TGFBR3: variants seen among roughly 807,000 people sequenced by gnomAD.
The protein encoded by TGFBR3 is transforming growth factor beta receptor 3, also known as transforming growth factor beta receptor type 3.
TGFBR3 carries 46 observed loss-of-function variants against 87.9 expected under a neutral mutation model. That is an observed-to-expected ratio of 0.52 (90% CI 0.41 to 0.67). The LOEUF (loss-of-function observed/expected upper bound fraction) is 0.67, where lower values mean the gene tolerates loss of function less well. Among genes scored for constraint, TGFBR3 ranks in the 30% least tolerant of loss-of-function variants. TGFBR3 has a pLI of 0.00. For missense variants in TGFBR3, 866 were observed against 1,041.9 expected (o/e 0.83, Z 2.32); for synonymous variants, 381 against 391.6 (o/e 0.97, Z 0.32).
At chr1:91,689,508 C>T (rs1048275165) in intron 16 of TGFBR3, among the ~76,000 whole-genome samples, 1 of 151,982 alleles carries the variant, frequency 6.6e-6, no homozygotes, top group Non-Finnish European at 1.5e-5. Flanking sequence ...AGTGAAAGAA[C>T]GAATACATGA....
At chr1:91,712,635 T>G in intron 12 of TGFBR3, 93 bp from the exon 13 acceptor site, 1 of 1,126,910 alleles carries the variant, frequency 8.9e-7, no homozygotes, top group South Asian at 1.3e-5. Flanking sequence ...GCCCTTCAGA[T>G]GACACGCTGC....
chr1:91,700,520 T>C (rs1671582841), intron 14 of TGFBR3, among the ~76,000 whole-genome samples: 1 of 152,178 alleles, frequency 6.6e-6, no homozygotes, highest in Non-Finnish European at 1.5e-5. Context: ...ACTGGATGAA[T>C]CAGAGCCACC....
intron 4 of TGFBR3, among the ~76,000 whole-genome samples, chr1:91,753,389 T>C (rs1411296703): frequency 4.4e-5 from 1 of 22,922 alleles, no homozygotes; most frequent in South Asian, 1.5e-3. Context: ...GACTCTGTCC[T>C]CAAAAAAAAA....
At chr1:91,827,312 T>C (rs1218440585) in intron 2 of TGFBR3, among the ~76,000 whole-genome samples, 1 of 152,204 alleles carries the variant, frequency 6.6e-6, no homozygotes, top group African/African-American at 2.4e-5. Flanking sequence ...ATTCTCAGCA[T>C]GTGTCACTGA....
upstream of TGFBR3, among the ~76,000 whole-genome samples, chr1:91,888,148 G>A (rs1013382835): frequency 3.9e-5 from 6 of 152,068 alleles, no homozygotes; most frequent in Non-Finnish European, 8.8e-5. Flanking sequence ...AGGAGTCTCC[G>A]TGTACCAGCT....
intron 2 of TGFBR3, among the ~76,000 whole-genome samples, chr1:91,817,255 G>A (rs763945431): frequency 1.2e-4 from 18 of 151,968 alleles, no homozygotes; most frequent in South Asian, 2.1e-4. Flanking sequence ...AGAACATAAC[G>A]TTCAAACGGC....
At chr1:91,805,270 T>C (rs988645738) in intron 2 of TGFBR3, among the ~76,000 whole-genome samples, 1 of 152,202 alleles carries the variant, frequency 6.6e-6, no homozygotes, top group African/African-American at 2.4e-5. Flanking sequence ...CAAGATTCCT[T>C]AAGGGTAGCT....
At chr1:91,862,429 G>A (rs1313690179) in intron 1 of TGFBR3, among the ~76,000 whole-genome samples, 1 of 152,126 alleles carries the variant, frequency 6.6e-6, no homozygotes, top group Non-Finnish European at 1.5e-5. Flanking sequence ...AAAAGGCAAG[G>A]TTCTTATTTC....
intron 2 of TGFBR3, among the ~76,000 whole-genome samples, chr1:91,844,758 C>T (rs1432916046): frequency 6.6e-6 from 1 of 152,168 alleles, no homozygotes; most frequent in African/African-American, 2.4e-5. Flanking sequence ...TCTTGTTATA[C>T]AGAATTACCT....
chr1:91,873,279 CTTCT>C (rs1248304974), intron 1 of TGFBR3, among the ~76,000 whole-genome samples: 1 of 116,542 alleles, frequency 8.6e-6, no homozygotes, highest in Non-Finnish European at 1.8e-5. Context: ...CCAATTTTCC[CTTCT>C]TTTTTTTTTT....
intron 3 of TGFBR3, among the ~76,000 whole-genome samples, chr1:91,785,085 C>T (rs903065887): frequency 6.6e-6 from 1 of 152,166 alleles, no homozygotes; most frequent in African/African-American, 2.4e-5. Context: ...AAACAGGCAT[C>T]GGACTGATGA....
intron 2 of TGFBR3, among the ~76,000 whole-genome samples, chr1:91,846,525 A>G (rs1005930858): frequency 2.0e-5 from 3 of 152,020 alleles, no homozygotes; most frequent in African/African-American, 7.2e-5. Flanking sequence ...AATATGCCAG[A>G]CCCTACTCTC....
intron 12 of TGFBR3, among the ~76,000 whole-genome samples, chr1:91,715,365 T>C (rs566161125): frequency 1.3e-5 from 2 of 152,382 alleles, no homozygotes; most frequent in South Asian, 4.1e-4. Flanking sequence ...GTCAGAGCTC[T>C]GGAGTCACAC....
intron 1 of TGFBR3, among the ~76,000 whole-genome samples, chr1:91,875,982 GA>G (rs1678792601): frequency 7.0e-6 from 1 of 143,214 alleles, no homozygotes; most frequent in Non-Finnish European, 1.5e-5. Context: ...AACATAAGAG[GA>G]AAACCAGGAG....
rs971277480 is a variant in TGFBR3, at chr1:91,747,842, G to A, written c.384+10771C>T. 3.3e-5 allele frequency among the ~76,000 whole-genome samples: 5 copies of A among 152,222 alleles called. No individual in the cohort carries two copies. In the East Asian group the frequency reaches 7.7e-4, roughly 23 times the overall value. Reference sequence around the variant, plus strand: ...AGAAAAAATTCCACCTGTGGACAGCGGCTTCCGCTCATGCCTGAGCTGCCC... The same window carrying A: ...AGAAAAAATTCCACCTGTGGACAGCAGCTTCCGCTCATGCCTGAGCTGCCC... On this transcript the variant is annotated intron_variant, in intron 4 of 16. Transcript: ENST00000212355.
intron 8 of TGFBR3, among the ~76,000 whole-genome samples, chr1:91,721,184 G>A (rs1410581333): frequency 6.6e-6 from 1 of 152,212 alleles, no homozygotes; most frequent in Admixed American, 6.5e-5. Context: ...CGCTAGAGCT[G>A]TAAGGGTCCA....
intron 2 of TGFBR3, among the ~76,000 whole-genome samples, chr1:91,898,491 C>G (rs537415343): frequency 6.6e-6 from 1 of 152,158 alleles, no homozygotes; most frequent in South Asian, 2.1e-4. Context: ...GGCTGGAGTG[C>G]AGTGGCGCGA....
intron 2 of TGFBR3, among the ~76,000 whole-genome samples, chr1:91,839,988 A>G (rs1387000506): frequency 2.0e-5 from 3 of 152,010 alleles, no homozygotes; most frequent in Non-Finnish European, 4.4e-5. Flanking sequence ...TCAGTCAAAA[A>G]TTATCTCAAA....
Position 91,846,466 on chromosome 1 carries a change from G to A in TGFBR3, c.61+15005C>T, listed in dbSNP as rs139723844. ...AAGTTGTCCTTACAGATAATCCTGG[G>A]GTGATGAAAATGGCAGGCTGCTTGG... On this transcript the variant is annotated intron_variant, in intron 2 of 16. Transcript: ENST00000212355. Among the ~76,000 whole-genome samples the A allele has an allele frequency of 5.0e-3, 761 of 152,162 alleles. 4 individuals carry two copies. The highest frequency in any genetic ancestry group is 8.6e-3 in the Non-Finnish European group (582 of 68,000).
Sources: allele counts gnomAD v4.1 joint callset (sites outside exome capture counted in the v4.1 genomes callset), GRCh38; gene constraint gnomAD v4.1.1; transcripts MANE v1.5; gene names NCBI Gene and HGNC (gene_info 2026-07-23, HGNC 2026-07-21).